Variants in CDKL5 observed in about 807,000 individuals in gnomAD.
CDKL5 encodes the protein cyclin-dependent kinase-like 5.
A neutral mutation model predicts 61.7 loss-of-function variants in CDKL5; 8 were observed. That is an observed-to-expected ratio of 0.13 (90% CI 0.08 to 0.23). CDKL5 has a LOEUF of 0.23. Ranked by LOEUF, CDKL5 falls within the 10% of genes least tolerant of loss-of-function variation. The pLI, the probability that CDKL5 is intolerant of heterozygous loss-of-function variation, is 1.00. For missense variants in CDKL5, 440 were observed against 734.5 expected, an observed-to-expected ratio of 0.60 and a Z score of 4.63; for synonymous variants, 275 against 272.3, an observed-to-expected ratio of 1.01 and a Z score of -0.10.
intron 3 of CDKL5, among the ~76,000 whole-genome samples, chrX:18,543,109 C>G (rs985027808): frequency 9.1e-6 from 1 of 110,384 alleles, no homozygotes; most frequent in Non-Finnish European, 1.9e-5. Flanking sequence ...AGAGTGTTTT[C>G]CTACTTGGGC....
intron 1 of CDKL5, among the ~76,000 whole-genome samples, chrX:18,499,416 A>G (rs1922301229): frequency 1.0e-5 from 1 of 99,338 alleles, no homozygotes; most frequent in Non-Finnish European, 2.0e-5. Context: ...GCTAGAGTGC[A>G]GTGGCTCGAT....
At chrX:18,584,844 C>G (rs1263858334) in intron 8 of CDKL5, among the ~76,000 whole-genome samples, 2 of 111,986 alleles carry the variant, frequency 1.8e-5, no homozygotes, top group Non-Finnish European at 3.8e-5. Context: ...GTTACATGAC[C>G]AACCCCTGAT....
chrX:18,573,336 C>T (rs1363010617), intron 4 of CDKL5, among the ~76,000 whole-genome samples: 2 of 111,844 alleles, frequency 1.8e-5, no homozygotes, highest in Non-Finnish European at 3.8e-5. Flanking sequence ...ATTACCCCAA[C>T]CTTGAGTAAC....
chrX:18,550,229 A>G (rs1924339226), intron 3 of CDKL5, among the ~76,000 whole-genome samples: 1 of 111,519 alleles, frequency 9.0e-6, no homozygotes, highest in Non-Finnish European at 1.9e-5. Flanking sequence ...AGCCTCCTTG[A>G]GCTCCAACAG....
chrX:18,603,828 C>T, intron 11 of CDKL5, 74 bp from the exon 12 acceptor site: 1 of 1,116,754 alleles, frequency 9.0e-7, no homozygotes, highest in South Asian at 1.8e-5. Context: ...AGTATTTGTT[C>T]TTTCTTTTTA....
chrX:18,513,088 G>C lies in CDKL5; in HGVS notation c.99+2234G>C, dbSNP rs762602384. 3.6e-5 allele frequency among the ~76,000 whole-genome samples: 4 copies of C among 111,645 alleles called. No individual in the cohort carries two copies. In the South Asian group the frequency reaches 1.5e-3, roughly 41 times the overall value. ...ATATCTGATATATATTACACATCAT[G>C]TACAGAGTCCAAATGTTTTCTCCTA... On this transcript the variant is annotated intron_variant, in intron 3 of 17. Transcript: ENST00000623535.
At chrX:18,509,552 G>T (rs1922749716) in intron 2 of CDKL5, among the ~76,000 whole-genome samples, 1 of 111,241 alleles carries the variant, frequency 9.0e-6, no homozygotes, top group South Asian at 3.8e-4. Context: ...TGTTCTTGAT[G>T]TTTCTGCAAA....
At position 18,587,788 on chromosome X, in the gene CDKL5, C is replaced by T; in HGVS notation, c.555-166C>T. On this transcript the variant is annotated intron_variant, in intron 8 of 17. Transcript: ENST00000623535. ...ATGGCTTTATTAGCATAGGTTTATT[C>T]ACTTGTGTTCTGATGATTTGCTTTT... 5 of 480,628 alleles carry T rather than the reference C, an allele frequency of 1.0e-5. No homozygotes were observed. The South Asian group carries it at 1.5e-4, about 15-fold the overall frequency. The allele number at this position is 480,628 out of a possible 1,213,427, so 39.6% of individuals were successfully genotyped here.
chrX:18,571,212 C>G (rs1230975119), intron 4 of CDKL5, among the ~76,000 whole-genome samples: 1 of 111,168 alleles, frequency 9.0e-6, no homozygotes, highest in Admixed American at 9.6e-5. Context: ...TTTCTTCCAC[C>G]CATACTATGC....
rs770519976 is a variant in CDKL5 at position 18,595,441 on chromosome X, G to T, written c.825+13G>T. Reference sequence around the variant, plus strand: ...TGACCTAATGAAGGTAAGGCCAATTGATATTATCTCTATAAAATGTCTTTT... The same window carrying T: ...TGACCTAATGAAGGTAAGGCCAATTTATATTATCTCTATAAAATGTCTTTT... On this transcript the variant is annotated intron_variant, in intron 10 of 17. Coordinates refer to ENST00000623535, the MANE Select transcript of CDKL5 (RefSeq NM_001323289.2). The T allele has an allele frequency of 9.7e-7, 1 of 1,031,773 alleles. No homozygotes were observed. The allele number at this position is 1,031,773 out of a possible 1,213,427, so 85.0% of individuals were successfully genotyped here. A position where few individuals can be genotyped will look rare whatever the true frequency, so the allele number is the denominator to read the frequency against.
At position 18,651,260 on chromosome X, in the gene CDKL5, TGTGTGAGAGAGAGA is replaced by T. The variant is rs1440846391; in HGVS notation, c.2980+670_2980+683del. On this transcript the variant is annotated intron_variant, in intron 21 of 21. Coordinates refer to the CDKL5 transcript ENST00000379989. ...GTGTGTGTGTGTGTGTGTGTGTGTG[TGTGTGAGAGAGAGA>T]GAGAGAGAGAGAGACAGAGAGACAC... 3.7e-5 allele frequency among the ~76,000 whole-genome samples: 3 copies of T among 81,608 alleles called. No homozygotes were observed. The Admixed American group carries it at 4.1e-4, about 11-fold the overall frequency. 70.9% of individuals were successfully genotyped at this position (81,608 alleles called of 115,157 possible). A position where few individuals can be genotyped will look rare whatever the true frequency, so the allele number is the denominator to read the frequency against.
chrX:18,610,460 A>G (rs1926513446), intron 14 of CDKL5, among the ~76,000 whole-genome samples: 1 of 112,391 alleles, frequency 8.9e-6, no homozygotes, highest in Non-Finnish European at 1.9e-5. Flanking sequence ...ACCACATTGC[A>G]CTGATTCTTT....
Position 18,629,353 on chromosome X carries a change from G to T in CDKL5, c.*596G>T. ...ATGTTATAATGTAAAGTTATTTTGA[G>T]CTGTTTGAAACATTGTGAAGCAGTG... On this transcript the variant is annotated 3_prime_UTR_variant, in exon 18 of 18. Coordinates refer to ENST00000623535, the MANE Select transcript of CDKL5 (RefSeq NM_001323289.2). 1.4e-6 allele frequency: 1 copy of T among 695,143 alleles called. No homozygotes were observed. Among genetic ancestry groups the T allele is most frequent in the Non-Finnish European group, 1.7e-6 (1 of 586,079 alleles). The allele number at this position is 695,143 out of a possible 1,213,427, so 57.3% of individuals were successfully genotyped here. A position where few individuals can be genotyped will look rare whatever the true frequency, so the allele number is the denominator to read the frequency against.
chrX:18,439,837 CAA>C (rs199796155), intron 1 of CDKL5, among the ~76,000 whole-genome samples: 19 of 37,926 alleles, frequency 5.0e-4, no homozygotes, highest in Admixed American at 6.8e-4. Flanking sequence ...ATTTGGTCTC[CAA>C]AAAAAAAAAA....
Position 18,587,959 on chromosome X carries a change from C to T in CDKL5, c.560C>T (p.Pro187Leu). The T allele has an allele frequency of 8.3e-7, 1 of 1,208,816 alleles. No individual in the cohort carries two copies. Among genetic ancestry groups the T allele is most frequent in the Non-Finnish European group, 1.1e-6 (1 of 893,003 alleles). Residue 187 changes from proline to leucine, a missense_variant, in exon 9 of 18, where the codon CCC becomes CTC. Pro to Leu is a moderately conservative substitution (Grantham distance 98, BLOSUM62 -3). Transcript: ENST00000623535. ...TCTCTTCCTTTATTTTTCAGCGCTC[C>T]CTATGGAAAGTCCGTGGACATGTGG... is the stretch of plus-strand genomic sequence containing the variant. ...YRSPELLLGA[P>L]YGKSVDMWSV...
chrX:18,641,452 C>T (rs771403672), downstream of CDKL5: 16 of 118,279 alleles, frequency 1.4e-4, no homozygotes, highest in East Asian at 2.5e-3. Flanking sequence ...CTCAGGGCAC[C>T]GGGATTCTCA....
intron 9 of CDKL5, among the ~76,000 whole-genome samples, chrX:18,593,796 C>A (rs779855688): frequency 8.9e-6 from 1 of 112,497 alleles, no homozygotes; most frequent in African/African-American, 3.2e-5. Context: ...GTATTGAGTT[C>A]ATGTTATTCC....
chrX:18,610,039 G>GA (rs1483169159), intron 14 of CDKL5, among the ~76,000 whole-genome samples: 1 of 111,616 alleles, frequency 9.0e-6, no homozygotes, highest in Non-Finnish European at 1.9e-5. Context: ...TACAAGGGGG[G>GA]AAAAAATAGA....
intron 1 of CDKL5, among the ~76,000 whole-genome samples, chrX:18,493,611 G>A (rs1922065712): frequency 8.9e-6 from 1 of 112,035 alleles, no homozygotes; most frequent in South Asian, 3.7e-4. Context: ...GCCTGTAGGT[G>A]TTCTTCAAGT....
Sources: gnomAD v4.1 joint callset for allele counts (sites outside exome capture counted in the v4.1 genomes callset) on GRCh38, gnomAD v4.1.1 for gene constraint, MANE v1.5 for transcripts, NCBI Gene and HGNC (gene_info 2026-07-23, HGNC 2026-07-21) for gene names.